The following PTPRQ variants were observed in gnomAD, a reference collection of about 807,000 sequenced individuals.
PTPRQ encodes the protein phosphatidylinositol phosphatase PTPRQ.
A neutral mutation model predicts 246.0 loss-of-function variants in PTPRQ; 199 were observed. The observed-to-expected ratio is 0.81, with a 90% CI of 0.72 to 0.91. The LOEUF is 0.91. Ranked by LOEUF, PTPRQ falls within the 40% of genes least tolerant of loss-of-function variation. The probability of loss-of-function intolerance (pLI) is 0.00; values close to 1 mark genes in which losing one functional copy is unlikely to be tolerated. For synonymous variants in PTPRQ, 869 were observed against 853.2 expected (o/e 1.02, Z -0.32); for missense variants, 2,624 against 2,528.4 (o/e 1.04, Z -0.81).
intron 3 of PTPRQ, among the ~76,000 whole-genome samples, chr12:80,452,697 A>T (rs192540234): frequency 1.3e-5 from 2 of 151,960 alleles, no homozygotes; most frequent in Non-Finnish European, 2.9e-5. Flanking sequence ...ATTGGCCCCC[A>T]CTCTCTTCTG....
intron 37 of PTPRQ, among the ~76,000 whole-genome samples, chr12:80,652,054 C>T (rs1248194609): frequency 1.3e-5 from 2 of 152,082 alleles, no homozygotes; most frequent in South Asian, 2.1e-4. Flanking sequence ...AAATGGAAAA[C>T]TATAAATTTC....
At chr12:80,670,014 A>C (rs1900917039) in intron 41 of PTPRQ, among the ~76,000 whole-genome samples, 1 of 152,068 alleles carries the variant, frequency 6.6e-6, no homozygotes, top group South Asian at 2.1e-4. Context: ...GTATGGAATA[A>C]TTTGTGAATG....
intron 18 of PTPRQ, among the ~76,000 whole-genome samples, chr12:80,534,435 T>C (rs148047750): frequency 2.0e-3 from 302 of 152,186 alleles, no homozygotes; most frequent in African/African-American, 6.6e-3. Flanking sequence ...CATAAGTTTA[T>C]ATTTTTAAAA....
intron 20 of PTPRQ, among the ~76,000 whole-genome samples, chr12:80,540,406 G>C (rs1405309995): frequency 2.0e-5 from 3 of 152,020 alleles, no homozygotes; most frequent in African/African-American, 4.8e-5. Context: ...TTTCTCGTAT[G>C]CATCTTCTGA....
intron 3 of PTPRQ, among the ~76,000 whole-genome samples, chr12:80,446,547 A>C (rs1892560513): frequency 6.6e-6 from 1 of 151,778 alleles, no homozygotes; most frequent in African/African-American, 2.4e-5. Flanking sequence ...AATAGTAAAC[A>C]TTGTACCCAA....
At chr12:80,658,938 A>G (rs920697488) in intron 39 of PTPRQ, among the ~76,000 whole-genome samples, 1 of 151,986 alleles carries the variant, frequency 6.6e-6, no homozygotes, top group Non-Finnish European at 1.5e-5. Flanking sequence ...AACGTCAAAC[A>G]TACTTGTGCT....
At chr12:80,505,291 C>T (rs1460014764) in intron 14 of PTPRQ, among the ~76,000 whole-genome samples, 2 of 151,780 alleles carry the variant, frequency 1.3e-5, no homozygotes, top group African/African-American at 2.4e-5. Flanking sequence ...GGCCAGTCAC[C>T]ACTGAATTCT....
At position 80,670,330 on chromosome 12, in the gene PTPRQ, G is replaced by A. The variant is rs887367542; in HGVS notation, c.6454-14G>A. ...AAATAATTTTGTCATTCATTAATCCGTCCCTTTGTCTAGCATGGGGATTGC... is the reference window on the plus strand; with the variant it reads ...AAATAATTTTGTCATTCATTAATCCATCCCTTTGTCTAGCATGGGGATTGC... On this transcript the variant is annotated splice_polypyrimidine_tract_variant and intron_variant, in intron 41 of 44. Transcript: ENST00000644991. The A allele has an allele frequency of 8.4e-6, 13 of 1,548,798 alleles. No homozygotes were observed. In the African/African-American group the frequency reaches 1.1e-4, roughly 13 times the overall value.
chr12:80,505,047 G>A (rs1316759460), intron 14 of PTPRQ, among the ~76,000 whole-genome samples: 1 of 151,782 alleles, frequency 6.6e-6, no homozygotes, highest in African/African-American at 2.4e-5. Context: ...CCTGGTTAAA[G>A]TTGCATTCTT....
chr12:80,619,585 A>G (rs1440502403), intron 31 of PTPRQ, 43 bp downstream of exon 31: 6 of 1,405,850 alleles, frequency 4.3e-6, no homozygotes, highest in Non-Finnish European at 5.6e-6. Context: ...TGTGGAGTGT[A>G]GATTACTGAG....
chr12:80,502,279 C>T (rs1304243994), intron 14 of PTPRQ, among the ~76,000 whole-genome samples: 2 of 151,738 alleles, frequency 1.3e-5, no homozygotes, highest in Non-Finnish European at 1.5e-5. Context: ...GAATGAGAAG[C>T]AAGTTTATTA....
intron 3 of PTPRQ, among the ~76,000 whole-genome samples, chr12:80,452,594 A>G (rs936500433): frequency 1.3e-5 from 2 of 152,006 alleles, no homozygotes; most frequent in Non-Finnish European, 2.9e-5. Context: ...TTGTTTGTCT[A>G]TAATGGTTTT....
intron 41 of PTPRQ, among the ~76,000 whole-genome samples, chr12:80,669,691 G>A (rs914349895): frequency 3.9e-5 from 6 of 151,940 alleles, no homozygotes; most frequent in Non-Finnish European, 8.8e-5. Flanking sequence ...TAACCAATTA[G>A]CATCACATTC....
Position 80,632,289 on chromosome 12 carries a change from A to T in PTPRQ, c.5784A>T (p.Ala1928=). 6.4e-7 allele frequency: 1 copy of T among 1,551,250 alleles called. No individual in the cohort carries two copies. Among genetic ancestry groups the T allele is most frequent in the Non-Finnish European group, 8.7e-7 (1 of 1,146,810 alleles). The change falls in exon 34 of 45, where the codon GCA becomes GCT. Residue 1928 remains alanine (A), a splice_region_variant and synonymous_variant. Transcript: ENST00000644991. ...ILLGTAIFAF[A]RIRQKQKEGG... is the part of the protein sequence containing the mutation. The stretch of plus-strand genomic sequence containing the variant: ...TTGGAACAGCTATTTTTGCATTTGC[A>T]AGGTAAGATTTATTTGCGCTTACAT...
At chr12:80,619,821 A>G (rs1295709882) in intron 31 of PTPRQ, among the ~76,000 whole-genome samples, 2 of 151,634 alleles carry the variant, frequency 1.3e-5, no homozygotes, top group Admixed American at 1.3e-4. Flanking sequence ...TATGTGATTT[A>G]TTAATTCCAT....
intron 8 of PTPRQ, among the ~76,000 whole-genome samples, chr12:80,476,630 T>A (rs966990376): frequency 2.6e-5 from 4 of 152,088 alleles, no homozygotes. Context: ...TATATGGGAG[T>A]TATAAAATTA....
intron 6 of PTPRQ, among the ~76,000 whole-genome samples, chr12:80,468,205 G>C (rs749501463): frequency 2.0e-5 from 3 of 152,004 alleles, no homozygotes; most frequent in Non-Finnish European, 4.4e-5. Flanking sequence ...TCCAAATGTA[G>C]ATTATAAATT....
In PTPRQ at chr12:80,484,510, C is replaced by A; in HGVS notation, c.1264C>A (p.Gln422Lys). The change falls in exon 9 of 45, where the codon CAA becomes AAA. Residue 422 changes from glutamine to lysine, a missense_variant. Coordinates refer to ENST00000644991, the MANE Select transcript of PTPRQ (RefSeq NM_001145026.2). ...AAGAATTACTTGGAAGAAACCACGA[C>A]AACCAAATGGAATTATTAACCAATA... is the stretch of plus-strand genomic sequence containing the variant. ...QVRITWKKPR[Q>K]PNGIINQYRV... 6.4e-7 allele frequency: 1 copy of A among 1,551,316 alleles called. No homozygotes were observed. The highest frequency in any genetic ancestry group is 8.7e-7 in the Non-Finnish European group (1 of 1,146,854).
chr12:80,577,365 C>T (rs973809184), intron 25 of PTPRQ, among the ~76,000 whole-genome samples: 7 of 151,938 alleles, frequency 4.6e-5, no homozygotes, highest in Non-Finnish European at 8.8e-5. Context: ...ATTGAAGGGG[C>T]GAGCCCCTTA....
Sources: allele counts gnomAD v4.1 joint callset (sites outside exome capture counted in the v4.1 genomes callset), GRCh38; gene constraint gnomAD v4.1.1; transcripts MANE v1.5; gene names NCBI Gene and HGNC (gene_info 2026-07-23, HGNC 2026-07-21).